The following SLC24A3 variants were observed in gnomAD, a reference collection of about 807,000 sequenced individuals.
SLC24A3 encodes sodium/potassium/calcium exchanger 3.
A neutral mutation model predicts 75.8 loss-of-function variants in SLC24A3; 28 were observed. The ratio of observed to expected loss-of-function variants is 0.37; its 90% CI spans 0.27 to 0.51. The LOEUF (loss-of-function observed/expected upper bound fraction) is 0.51. Among genes scored for constraint, SLC24A3 ranks in the 20% least tolerant of loss-of-function variants. SLC24A3 has a pLI of 0.94. For synonymous variants in SLC24A3, 372 were observed against 334.1 expected, an observed-to-expected ratio of 1.11 and a Z score of -1.24; for missense variants, 663 against 847.8, an observed-to-expected ratio of 0.78 and a Z score of 2.71.
intron 3 of SLC24A3, among the ~76,000 whole-genome samples, chr20:19,532,316 C>T (rs1662348853): frequency 6.6e-6 from 1 of 152,174 alleles, no homozygotes; most frequent in Non-Finnish European, 1.5e-5. Flanking sequence ...CCGCAGCCCT[C>T]CATGTCCAGA....
chr20:19,697,016 AAGG>A, intron 14 of SLC24A3, 105 bp downstream of exon 14: 1 of 275,496 alleles, frequency 3.6e-6, no homozygotes, highest in Non-Finnish European at 7.1e-6. Context: ...GGAGAAGAGA[AAGG>A]GAGGGAGAAG....
At chr20:19,504,373 G>C (rs1330158147) in intron 2 of SLC24A3, among the ~76,000 whole-genome samples, 1 of 152,156 alleles carries the variant, frequency 6.6e-6, no homozygotes, top group African/African-American at 2.4e-5. Flanking sequence ...GAAACCTCCA[G>C]CCATTTAGCA....
intron 6 of SLC24A3, among the ~76,000 whole-genome samples, chr20:19,594,322 T>A (rs980567566): frequency 1.3e-5 from 2 of 152,178 alleles, no homozygotes; most frequent in African/African-American, 4.8e-5. Flanking sequence ...TCCAAGCAGC[T>A]ACAGTCCAGG....
chr20:19,436,681 A>G (rs1987210930), intron 2 of SLC24A3, among the ~76,000 whole-genome samples: 1 of 152,162 alleles, frequency 6.6e-6, no homozygotes, highest in Non-Finnish European at 1.5e-5. Context: ...GGTCACCACT[A>G]CACCTGGACC....
chr20:19,599,298 C>T (rs1189847641), intron 6 of SLC24A3, among the ~76,000 whole-genome samples: 5 of 152,204 alleles, frequency 3.3e-5, no homozygotes, highest in Admixed American at 2.0e-4. Context: ...GAACATGTCT[C>T]ACAAATGGAG....
At chr20:19,624,933 G>A (rs971408815) in intron 6 of SLC24A3, among the ~76,000 whole-genome samples, 7 of 152,096 alleles carry the variant, frequency 4.6e-5, no homozygotes, top group African/African-American at 1.7e-4. Context: ...TTTCGGGTCA[G>A]CAATTTGAGC....
chr20:19,416,358 G>A (rs1233824321), intron 2 of SLC24A3, among the ~76,000 whole-genome samples: 2 of 152,238 alleles, frequency 1.3e-5, no homozygotes, highest in Non-Finnish European at 2.9e-5. Context: ...TGGGAAGGTG[G>A]TATGGGAAGA....
At chr20:19,645,164 T>G (rs2032121938) in intron 6 of SLC24A3, among the ~76,000 whole-genome samples, 1 of 152,222 alleles carries the variant, frequency 6.6e-6, no homozygotes, top group Non-Finnish European at 1.5e-5. Flanking sequence ...ATCTCTATTT[T>G]TCAATGTTTT....
chr20:19,485,132 A>T (rs9679802), intron 2 of SLC24A3, among the ~76,000 whole-genome samples: 14,990 of 152,026 alleles, frequency 0.099, 793 homozygotes, highest in Admixed American at 0.1. Flanking sequence ...AATTTTTTTT[A>T]AATGTGCAGC....
intron 2 of SLC24A3, among the ~76,000 whole-genome samples, chr20:19,485,915 A>C (rs1223921291): frequency 6.6e-6 from 1 of 152,160 alleles, no homozygotes; most frequent in Non-Finnish European, 1.5e-5. Flanking sequence ...ACTGCCTTCC[A>C]TTTCTGGGGT....
chr20:19,505,234 A>T (rs1988445141), intron 2 of SLC24A3, among the ~76,000 whole-genome samples: 1 of 152,178 alleles, frequency 6.6e-6, no homozygotes, highest in Non-Finnish European at 1.5e-5. Flanking sequence ...TGTTGGATCA[A>T]CTTCAGCATC....
In SLC24A3 at chr20:19,642,810, G is replaced by A. The variant is rs566812386; in HGVS notation, c.613-11252G>A. Among the ~76,000 whole-genome samples, 3 of 152,272 alleles carry A rather than the reference G, an allele frequency of 2.0e-5. No individual in the cohort carries two copies. In the South Asian group the frequency reaches 6.2e-4, roughly 32 times the overall value. ...TCTTTGTTGGCTGGTTGACTTATTG[G>A]CTGCCTTAGTCACCCAATTCTCTCA... is the stretch of plus-strand genomic sequence containing the variant. On this transcript the variant is annotated intron_variant, in intron 6 of 16. Transcript: ENST00000328041.
At chr20:19,300,439 C>T (rs768060543) in intron 2 of SLC24A3, among the ~76,000 whole-genome samples, 3 of 152,166 alleles carry the variant, frequency 2.0e-5, no homozygotes, top group Non-Finnish European at 4.4e-5. Context: ...TCAGTCACCA[C>T]CTGACTGCAA....
chr20:19,643,097 A>G (rs1350212193), intron 6 of SLC24A3, among the ~76,000 whole-genome samples: 1 of 152,176 alleles, frequency 6.6e-6, no homozygotes, highest in African/African-American at 2.4e-5. Flanking sequence ...AGTCATAGCA[A>G]TCAGTATCCT....
chr20:19,547,576 A>G (rs1053781057), intron 3 of SLC24A3, among the ~76,000 whole-genome samples: 3 of 152,274 alleles, frequency 2.0e-5, no homozygotes, highest in African/African-American at 7.2e-5. Flanking sequence ...AATGAAATGA[A>G]GCCGGATCTC....
At chr20:19,515,372 A>G (rs1231830992) in intron 2 of SLC24A3, 116 bp from the exon 3 acceptor site, 5 of 982,472 alleles carry the variant, frequency 5.1e-6, no homozygotes, top group Non-Finnish European at 6.3e-6. Context: ...TTAAAGATTC[A>G]GGATCTTTTT....
chr20:19,495,811 A>G (rs951337192), intron 2 of SLC24A3, among the ~76,000 whole-genome samples: 7 of 152,278 alleles, frequency 4.6e-5, no homozygotes, highest in Middle Eastern at 3.4e-3. Flanking sequence ...CTTCCATACC[A>G]TGTGGTTCTA....
intron 3 of SLC24A3, among the ~76,000 whole-genome samples, chr20:19,545,009 G>C (rs1037443941): frequency 9.9e-5 from 15 of 152,194 alleles, no homozygotes; most frequent in African/African-American, 3.6e-4. Flanking sequence ...GAAGAATAAG[G>C]CTATATGGGC....
intron 1 of SLC24A3, among the ~76,000 whole-genome samples, chr20:19,274,606 C>T (rs1432926804): frequency 6.6e-6 from 1 of 150,906 alleles, no homozygotes; most frequent in African/African-American, 2.4e-5. Flanking sequence ...CACAGGGAAG[C>T]TCTTGCTTCA....
Sources: gnomAD v4.1 joint callset for allele counts (sites outside exome capture counted in the v4.1 genomes callset) on GRCh38, gnomAD v4.1.1 for gene constraint, MANE v1.5 for transcripts, NCBI Gene and HGNC (gene_info 2026-07-23, HGNC 2026-07-21) for gene names.